Variants in COPG2 observed in about 807,000 individuals in gnomAD.
The protein encoded by COPG2 is coatomer subunit gamma-2.
Under a neutral mutation model 46.3 loss-of-function variants are expected in COPG2, and 37 were observed. The ratio of observed to expected loss-of-function variants is 0.80; its 90% CI spans 0.61 to 1.05. COPG2 has a LOEUF of 1.05. Ranked by LOEUF, COPG2 falls within the 50% of genes least tolerant of loss-of-function variation. The probability of loss-of-function intolerance (pLI) is 0.00; values close to 1 mark genes in which losing one functional copy is unlikely to be tolerated. For missense variants in COPG2, 427 were observed against 387.8 expected (o/e 1.10, Z -0.85); for synonymous variants, 159 against 129.7 (o/e 1.23, Z -1.53).
At chr7:130,635,035 C>A (rs1054622948) in intron 5 of COPG2, among the ~76,000 whole-genome samples, 7 of 150,156 alleles carry the variant, frequency 4.7e-5, no homozygotes, top group African/African-American at 1.5e-4. Flanking sequence ...TATGCTGAAC[C>A]AGCCTTGCAT....
At chr7:130,622,021 C>T (rs1795048674) in intron 5 of COPG2, among the ~76,000 whole-genome samples, 1 of 151,378 alleles carries the variant, frequency 6.6e-6, no homozygotes. Context: ...AGCTTGTCAA[C>T]CCATGTTCTA....
intron 9 of COPG2, among the ~76,000 whole-genome samples, chr7:130,601,466 T>C (rs1048527081): frequency 2.0e-5 from 3 of 152,216 alleles, no homozygotes; most frequent in Admixed American, 2.0e-4. Context: ...ATATACACCA[T>C]GTAATACTAT....
At chr7:130,623,317 T>C (rs1370416486) in intron 5 of COPG2, among the ~76,000 whole-genome samples, 1 of 152,196 alleles carries the variant, frequency 6.6e-6, no homozygotes, top group African/African-American at 2.4e-5. Context: ...ATGGGTCTAA[T>C]TCTGTACTTT....
At chr7:130,541,111 T>C (rs887647749) in intron 20 of COPG2, among the ~76,000 whole-genome samples, 1 of 152,014 alleles carries the variant, frequency 6.6e-6, no homozygotes, top group Middle Eastern at 3.4e-3. Flanking sequence ...GGCATCAGGG[T>C]CAAGACTGTC....
At chr7:130,610,727 TCA>T in intron 9 of COPG2, 2 of 644,996 alleles carry the variant, frequency 3.1e-6, no homozygotes, top group Non-Finnish European at 5.6e-6. Context: ...TTGTTCAATA[TCA>T]GTTTGTTAAT....
Position 130,595,811 on chromosome 7 carries a change from C to G in COPG2, c.737+15142G>C, listed in dbSNP as rs1015265207. 2.0e-3 allele frequency among the ~76,000 whole-genome samples: 306 copies of G among 152,284 alleles called. 2 individuals carry two copies. The highest frequency in any genetic ancestry group is 3.5e-3 in the Non-Finnish European group (237 of 68,020). On this transcript the variant is annotated intron_variant, in intron 9 of 23. Coordinates refer to ENST00000425248, the MANE Select transcript of COPG2 (RefSeq NM_012133.6). ...CCCATCGGCATTTGGGGACCCCCCC[C>G]CTCCAGCCTACCAGTATCATCTTTA... is the stretch of plus-strand genomic sequence containing the variant.
chr7:130,608,582 G>A (rs1421013135), intron 9 of COPG2, among the ~76,000 whole-genome samples: 1 of 152,108 alleles, frequency 6.6e-6, no homozygotes, highest in African/African-American at 2.4e-5. Context: ...TTAGAGTATA[G>A]AACTCCAGAT....
At chr7:130,660,898 T>C (rs1795964209) in intron 4 of COPG2, among the ~76,000 whole-genome samples, 2 of 152,134 alleles carry the variant, frequency 1.3e-5, no homozygotes, top group Admixed American at 6.5e-5. Context: ...CGTTCTTGCT[T>C]CCCTCCTAAC....
rs1794453989 is a variant in COPG2 at position 130,592,619 on chromosome 7, C to CT, written c.737+18333dup. Among the ~76,000 whole-genome samples the CT allele has an allele frequency of 1.3e-5, 2 of 151,986 alleles. 1 individual carries two copies. The highest frequency in any genetic ancestry group is 4.2e-4 in the South Asian group (2 of 4,814). Reference sequence around the variant, plus strand: ...ACTTTTATGATTTGATAAGGGGTATCTTTTTTAAAAAATATAGCAAACACG... The same window carrying CT: ...ACTTTTATGATTTGATAAGGGGTATCTTTTTTTAAAAAATATAGCAAACACG... On this transcript the variant is annotated intron_variant, in intron 9 of 23. Transcript: ENST00000425248.
chr7:130,594,243 A>T (rs970331080), intron 9 of COPG2, among the ~76,000 whole-genome samples: 1 of 152,232 alleles, frequency 6.6e-6, no homozygotes, highest in Non-Finnish European at 1.5e-5. Context: ...TGACAAGCAC[A>T]CCAAGACAAT....
rs375575639 is a variant in COPG2 at position 130,603,791 on chromosome 7, T to C, written c.737+7162A>G. On this transcript the variant is annotated intron_variant, in intron 9 of 23. Transcript: ENST00000425248. ...ACAGTACTATAGGCATCTTGTACAG[T>C]TGATCCTCGAACAACATGGGGTTAA... 1.1e-4 allele frequency: 55 copies of C among 517,138 alleles called. 1 individual carries two copies. The highest frequency in any genetic ancestry group is 5.0e-4 in the African/African-American group (26 of 51,666). 32.0% of individuals were successfully genotyped at this position (517,138 alleles called of 1,614,324 possible).
At chr7:130,629,226 T>C (rs1795178029) in intron 5 of COPG2, among the ~76,000 whole-genome samples, 1 of 152,158 alleles carries the variant, frequency 6.6e-6, no homozygotes, top group African/African-American at 2.4e-5. Context: ...ATTTTCTTTT[T>C]GGCAGTTTCA....
intron 5 of COPG2, among the ~76,000 whole-genome samples, chr7:130,641,175 CAAAAAAA>C (rs34617870): frequency 1.0e-4 from 9 of 87,928 alleles, no homozygotes; most frequent in African/African-American, 4.4e-4. Context: ...CCCTACCTCT[CAAAAAAA>C]AAAAAAAAAA....
intron 9 of COPG2, among the ~76,000 whole-genome samples, chr7:130,607,256 A>C (rs1335032113): frequency 6.6e-6 from 1 of 151,474 alleles, no homozygotes; most frequent in Non-Finnish European, 1.5e-5. Context: ...TAAATAAATA[A>C]ATAAATAAAT....
intron 17 of COPG2, among the ~76,000 whole-genome samples, chr7:130,550,078 C>T (rs1214196275): frequency 2.0e-5 from 3 of 151,692 alleles, no homozygotes; most frequent in Admixed American, 1.3e-4. Flanking sequence ...TTTTTTTAAA[C>T]TCTAATAAAA....
intron 20 of COPG2, among the ~76,000 whole-genome samples, chr7:130,528,889 A>G (rs980551502): frequency 6.6e-6 from 1 of 151,986 alleles, no homozygotes; most frequent in Non-Finnish European, 1.5e-5. Flanking sequence ...CAGATGGGGC[A>G]AAGTGTGTGA....
intron 6 of COPG2, among the ~76,000 whole-genome samples, chr7:130,615,698 G>A (rs782369031): frequency 6.6e-6 from 1 of 152,216 alleles, no homozygotes; most frequent in Admixed American, 6.5e-5. Context: ...GTGCCCTGTA[G>A]GAGTAGTGAT....
chr7:130,656,448 C>G (rs1222525739), intron 4 of COPG2, among the ~76,000 whole-genome samples: 1 of 152,040 alleles, frequency 6.6e-6, no homozygotes, highest in Non-Finnish European at 1.5e-5. Context: ...AGCTTTATGC[C>G]AAGTTCAACA....
chr7:130,573,257 C>A (rs1194120225), intron 9 of COPG2, among the ~76,000 whole-genome samples: 4 of 149,622 alleles, frequency 2.7e-5, no homozygotes, highest in African/African-American at 7.3e-5. Context: ...CCAGTTAATT[C>A]TATCAGATAT....
Sources: allele counts gnomAD v4.1 joint callset (sites outside exome capture counted in the v4.1 genomes callset), GRCh38; gene constraint gnomAD v4.1.1; transcripts MANE v1.5; gene names NCBI Gene and HGNC (gene_info 2026-07-23, HGNC 2026-07-21).